Variants in IFT140 observed in about 807,000 individuals in gnomAD.
The protein encoded by IFT140 is intraflagellar transport protein 140 homolog.
Under a neutral mutation model 164.6 loss-of-function variants are expected in IFT140, and 133 were observed. The observed-to-expected ratio is 0.81, with a 90% confidence interval of 0.70 to 0.93. The LOEUF is 0.93. Among genes scored for constraint, IFT140 ranks in the 40% least tolerant of loss-of-function variants. IFT140 has a pLI of 0.00. For missense variants in IFT140, 2,045 were observed against 1,972.3 expected (o/e 1.04, Z -0.70); for synonymous variants, 860 against 817.3 (o/e 1.05, Z -0.89).
rs1452353855 is a variant in IFT140 at position 1,524,880 on chromosome 16, G to T, written c.2901C>A (p.Ser967Arg). 6.2e-7 allele frequency: 1 copy of T among 1,611,710 alleles called. No homozygotes were observed. Among genetic ancestry groups the T allele is most frequent in the Non-Finnish European group, 8.5e-7 (1 of 1,179,256 alleles). Residue 967 changes from serine to arginine, a missense_variant, in exon 23 of 31, where the codon AGC (serine) becomes AGA (arginine). Coordinates refer to ENST00000426508, the MANE Select transcript of IFT140 (RefSeq NM_014714.4). ...LWRWWAQYLE[S>R]QGEMDAALHY... is the part of the protein sequence containing the mutation. Reference sequence around the variant, plus strand: ...GCAGCGCGGCGTCCATCTCGCCCTGGCTCTCCAGGTACTGCGCCCACCACC... The same window carrying T: ...GCAGCGCGGCGTCCATCTCGCCCTGTCTCTCCAGGTACTGCGCCCACCACC...
intron 12 of IFT140, among the ~76,000 whole-genome samples, chr16:1,582,187 G>A (rs532177366): frequency 3.0e-4 from 45 of 152,296 alleles, no homozygotes; most frequent in African/African-American, 1.1e-3. Flanking sequence ...CCTGGCATGT[G>A]TGAATATTAC....
intron 4 of IFT140, among the ~76,000 whole-genome samples, chr16:1,601,225 C>T (rs1000868925): frequency 6.7e-6 from 1 of 150,144 alleles, no homozygotes; most frequent in Non-Finnish European, 1.5e-5. Context: ...GAACGTGCCA[C>T]TGCACTCTAG....
In IFT140 at chr16:1,568,307, C is replaced by T; in HGVS notation, c.1680G>A (p.Arg560=). The change falls in exon 15 of 31, where the codon AGG becomes AGA. Residue 560 remains arginine (R), a synonymous_variant. Coordinates refer to ENST00000426508, the MANE Select transcript of IFT140 (RefSeq NM_014714.4). ...RREAKAHCSC[R]SLAELVPGVG... is the part of the protein sequence containing the mutation. Reference sequence around the variant, plus strand: ...CCCCAGGGACCAGCTCCGCCAGGCTCCTGCAGCTACAGTGTGCTTTGGCCT... The same window carrying T: ...CCCCAGGGACCAGCTCCGCCAGGCTTCTGCAGCTACAGTGTGCTTTGGCCT... 6.2e-7 allele frequency: 1 copy of T among 1,613,858 alleles called. No individual in the cohort carries two copies. Among genetic ancestry groups the T allele is most frequent in the Non-Finnish European group, 8.5e-7 (1 of 1,180,012 alleles).
Position 1,523,661 on chromosome 16 carries a change from T to G in IFT140, c.3310A>C (p.Thr1104Pro). 6.2e-7 allele frequency: 1 copy of G among 1,613,820 alleles called. No individual in the cohort carries two copies. The highest frequency in any genetic ancestry group is 2.2e-5 in the East Asian group (1 of 44,868). ...FSKALELAFA[T>P]QQFVALQLIA... ...AGCTGTAGGGCCACAAACTGCTGGGTGGCAAAGGCCAGCTCCAGGGCCTTG... is the reference window on the plus strand; with the variant it reads ...AGCTGTAGGGCCACAAACTGCTGGGGGGCAAAGGCCAGCTCCAGGGCCTTG... The change falls in exon 26 of 31, where the codon ACC becomes CCC. Residue 1104 changes from threonine to proline, a missense_variant. Physicochemically the swap from Thr to Pro is conservative, Grantham distance 38 (BLOSUM62 -1). Transcript: ENST00000426508.
Position 1,511,031 on chromosome 16 carries a change from G to T in IFT140, c.4302C>A (p.Thr1434=). Residue 1434 remains threonine, a synonymous_variant, in exon 31 of 31, where the codon ACC becomes ACA. Coordinates refer to ENST00000426508, the MANE Select transcript of IFT140 (RefSeq NM_014714.4). Reference sequence around the variant, plus strand: ...TGTTGTGGCGGACCTGCTCGGGGACGGTGCGTGGCAGTGGGAGACCCAGCC... The same window carrying T: ...TGTTGTGGCGGACCTGCTCGGGGACTGTGCGTGGCAGTGGGAGACCCAGCC... The part of the protein sequence containing the change: ...HRGLGLPLPR[T]VPEQVRHNSM... The T allele has an allele frequency of 1.2e-6, 2 of 1,604,546 alleles. No individual in the cohort carries two copies. The highest frequency in any genetic ancestry group is 1.7e-6 in the Non-Finnish European group (2 of 1,174,872).
intron 3 of IFT140, chr16:1,604,474 T>C (rs1360995476): frequency 6.6e-6 from 1 of 152,396 alleles, no homozygotes; most frequent in South Asian, 2.1e-4. Context: ...TGTGTCAGCA[T>C]CAAGGAAGGT....
At chr16:1,598,406 C>T (rs551193730) in intron 4 of IFT140, among the ~76,000 whole-genome samples, 4 of 151,936 alleles carry the variant, frequency 2.6e-5, no homozygotes, top group South Asian at 4.2e-4. Flanking sequence ...TGCAGGGAGC[C>T]GAGATGGCGC....
At chr16:1,562,149 T>C in intron 17 of IFT140, 33 bp from the exon 18 acceptor site, 1 of 1,529,030 alleles carries the variant, frequency 6.5e-7, no homozygotes, top group Non-Finnish European at 8.8e-7. Flanking sequence ...GTTCTGTTTT[T>C]TTTTTTAACT....
intron 1 of IFT140, among the ~76,000 whole-genome samples, chr16:1,611,074 G>C (rs1268590842): frequency 6.6e-6 from 1 of 152,212 alleles, no homozygotes; most frequent in African/African-American, 2.4e-5. Context: ...TTCTAGTTTC[G>C]GAGCGGAGGG....
intron 14 of IFT140, among the ~76,000 whole-genome samples, chr16:1,570,993 G>A (rs191126534): frequency 1.3e-5 from 2 of 152,324 alleles, no homozygotes; most frequent in East Asian, 3.9e-4. Flanking sequence ...CTGGGCTCAA[G>A]CAGTCTTCTC....
chr16:1,609,123 CCA>C (rs1428403912), intron 2 of IFT140, among the ~76,000 whole-genome samples: 1 of 152,010 alleles, frequency 6.6e-6, no homozygotes, highest in Non-Finnish European at 1.5e-5. Context: ...CCACTGCACT[CCA>C]GTCTGGGCGA....
intron 19 of IFT140, 39 bp from the exon 20 acceptor site, chr16:1,526,835 A>C: frequency 6.3e-7 from 1 of 1,576,874 alleles, no homozygotes; most frequent in Non-Finnish European, 8.6e-7. Flanking sequence ...CCTGCCCAGC[A>C]CCTCAGGGCC....
rs1015784464 is a variant in IFT140, at chr16:1,531,089, C to T, written c.2400-4293G>A. 6.0e-4 allele frequency: 91 copies of T among 152,520 alleles called. No individual in the cohort carries two copies. The highest frequency in any genetic ancestry group is 1.9e-3 in the African/African-American group (81 of 41,590). 9.4% of individuals were successfully genotyped at this position (152,520 alleles called of 1,614,324 possible). On this transcript the variant is annotated intron_variant, in intron 19 of 30. Coordinates refer to ENST00000426508, the MANE Select transcript of IFT140 (RefSeq NM_014714.4). This position sits in a 1 kb window ranked among gnomAD's most constrained non-coding sequence, Gnocchi z 4.7. ...CCCCGCGTGATTCCCACATCCTCTC[C>T]GCGACGGCCGGCCAGGGCTCTCGGG...
intron 30 of IFT140, chr16:1,514,468 C>T: frequency 6.6e-6 from 1 of 152,228 alleles, no homozygotes; most frequent in Middle Eastern, 3.4e-3. Context: ...TAGAGGGGAT[C>T]CCAAATCCTG....
intron 3 of IFT140, among the ~76,000 whole-genome samples, chr16:1,605,431 A>T (rs552268266): frequency 3.9e-5 from 6 of 152,136 alleles, no homozygotes; most frequent in Admixed American, 3.9e-4. Flanking sequence ...TTTGAGATGG[A>T]GTCTCACTCT....
Position 1,605,278 on chromosome 16 carries a change from A to T in IFT140, c.147+1842T>A, listed in dbSNP as rs183354997. On this transcript the variant is annotated intron_variant, in intron 3 of 30. Transcript: ENST00000426508. Reference sequence around the variant, plus strand: ...TCACAGGAGTGTGGTACAGACAAGGACCCCAAAACACTCAGGGGGTGACAC... The same window carrying T: ...TCACAGGAGTGTGGTACAGACAAGGTCCCCAAAACACTCAGGGGGTGACAC... Among the ~76,000 whole-genome samples, 75 of 152,220 alleles carry T rather than the reference A, an allele frequency of 4.9e-4. No individual in the cohort carries two copies. In the East Asian group the frequency reaches 0.014, roughly 29 times the overall value.
chr16:1,534,118 G>A (rs147777368), intron 19 of IFT140: 17 of 872,526 alleles, frequency 1.9e-5, no homozygotes, highest in Admixed American at 1.6e-4. Context: ...GCCGAGAGGC[G>A]GCACACCTGG....
rs116072511 is a variant in IFT140, at chr16:1,562,881, T to C, written c.2068-765A>G. Among the ~76,000 whole-genome samples, 854 of 152,074 alleles carry C rather than the reference T, an allele frequency of 5.6e-3. 3 individuals are homozygous for C. Among genetic ancestry groups the C allele is most frequent in the African/African-American group, 0.019 (805 of 41,516 alleles). ...GCACAGAAACCACATGCTCTGTGGG[T>C]CCATTGCACAGAAGCAGAACAAGCA... On this transcript the variant is annotated intron_variant, in intron 17 of 30. Transcript: ENST00000426508.
intron 19 of IFT140, among the ~76,000 whole-genome samples, chr16:1,546,842 C>G (rs2032217741): frequency 6.6e-6 from 1 of 152,228 alleles, no homozygotes; most frequent in Non-Finnish European, 1.5e-5. Context: ...TGAGTCATAT[C>G]TTCAATGGGC....
Sources: gnomAD v4.1 joint callset for allele counts (sites outside exome capture counted in the v4.1 genomes callset) on GRCh38, gnomAD v4.1.1 for gene constraint, Gnocchi (gnomAD v3.1) non-coding constraint, MANE v1.5 for transcripts, NCBI Gene and HGNC (gene_info 2026-07-23, HGNC 2026-07-21) for gene names.